The following ADAM22 variants were observed in gnomAD, a reference collection of about 807,000 sequenced individuals.
ADAM22 encodes the protein ADAM metallopeptidase domain 22, also known as disintegrin and metalloproteinase domain-containing protein 22.
Under a neutral mutation model 144.6 loss-of-function variants are expected in ADAM22, and 65 were observed. The observed-to-expected ratio is 0.45, with a 90% CI of 0.37 to 0.55. The LOEUF (loss-of-function observed/expected upper bound fraction) is 0.55. Among genes scored for constraint, ADAM22 ranks in the 20% least tolerant of loss-of-function variants. The probability of loss-of-function intolerance (pLI) is 0.00; values close to 1 mark genes in which losing one functional copy is unlikely to be tolerated. For synonymous variants in ADAM22, 391 were observed against 412.6 expected (o/e 0.95, Z 0.63); for missense variants, 974 against 1,184.9 (o/e 0.82, Z 2.61).
At chr7:88,116,189 A>T (rs999795543) in intron 6 of ADAM22, among the ~76,000 whole-genome samples, 1 of 152,138 alleles carries the variant, frequency 6.6e-6, no homozygotes, top group East Asian at 1.9e-4. Flanking sequence ...TAGTAATTGG[A>T]TGAAGCCAGA....
At position 88,178,959 on chromosome 7, in the gene ADAM22, A is replaced by T. The variant is rs1320828435; in HGVS notation, c.2325A>T (p.Val775=). 18 of 1,611,298 alleles carry T rather than the reference A, an allele frequency of 1.1e-5. No homozygotes were observed. Among genetic ancestry groups the T allele is most frequent in the Non-Finnish European group, 1.5e-5 (18 of 1,178,818 alleles). The stretch of plus-strand genomic sequence containing the variant: ...GACAGTTACCCCAGGGAGATTATGT[A>T]AAAAAGCCTGGAGATGGTGACTCTT... ...EQRQLPQGDY[V]KKPGDGDSFY... is the part of the protein sequence containing the mutation. The change falls in exon 27 of 32, where the codon GTA becomes GTT. Residue 775 remains valine, a synonymous_variant. Transcript: ENST00000413139.
chr7:88,045,120 CG>C (rs1804262560), intron 3 of ADAM22, among the ~76,000 whole-genome samples: 1 of 149,438 alleles, frequency 6.7e-6, no homozygotes. Flanking sequence ...CGGGTTCAGG[CG>C]ACTCTCCTGC....
chr7:88,190,663 G>A (rs575285232), intron 30 of ADAM22, among the ~76,000 whole-genome samples: 19 of 152,294 alleles, frequency 1.2e-4, no homozygotes, highest in African/African-American at 3.4e-4. Context: ...TGGAACTGCC[G>A]GGCAAGTAGT....
chr7:88,110,589 C>T (rs1018524836), intron 5 of ADAM22, among the ~76,000 whole-genome samples: 29 of 151,486 alleles, frequency 1.9e-4, no homozygotes, highest in Admixed American at 3.3e-4. Context: ...AGGCCGGGCA[C>T]GGTGGCTCAC....
chr7:88,145,132 A>T lies in ADAM22; in HGVS notation c.1328A>T (p.Asp443Val). 1 of 1,613,032 alleles carries T rather than the reference A, an allele frequency of 6.2e-7. No individual in the cohort carries two copies. The highest frequency in any genetic ancestry group is 8.5e-7 in the Non-Finnish European group (1 of 1,179,714). ...CLFNKPSKLL[D>V]PPECGNGFIE... is the part of the protein sequence containing the mutation. ...TTTTGGTTTTCCTCACAGCTTCTTG[A>T]TCCTCCTGAGTGTGGCAATGGCTTC... Residue 443 changes from aspartate to valine, a missense_variant, in exon 16 of 32, where the codon GAT (aspartate) becomes GTT (valine). Physicochemically the swap from Asp to Val is radical, Grantham distance 152. Transcript: ENST00000413139.
chr7:87,964,806 G>T (rs1848689215), intron 2 of ADAM22: 1 of 268,814 alleles, frequency 3.7e-6, no homozygotes, highest in Non-Finnish European at 7.3e-6. Context: ...ACTCTTCAAA[G>T]CAGCTTGGAG....
chr7:88,000,056 C>T (rs1350557689), intron 3 of ADAM22, among the ~76,000 whole-genome samples: 1 of 151,746 alleles, frequency 6.6e-6, no homozygotes, highest in Non-Finnish European at 1.5e-5. Context: ...ACCAATATGA[C>T]ATTCATTATT....
intron 4 of ADAM22, among the ~76,000 whole-genome samples, chr7:88,102,490 A>G (rs1297508868): frequency 6.6e-6 from 1 of 152,146 alleles, no homozygotes; most frequent in African/African-American, 2.4e-5. Context: ...CCTGGACCCC[A>G]GAGATTGTGA....
chr7:87,969,934 G>T (rs942872719), intron 2 of ADAM22, among the ~76,000 whole-genome samples: 1 of 152,148 alleles, frequency 6.6e-6, no homozygotes, highest in Non-Finnish European at 1.5e-5. Flanking sequence ...GAGTAACATG[G>T]AGTCATAAGT....
chr7:87,978,015 T>C (rs1168485767), intron 2 of ADAM22, among the ~76,000 whole-genome samples: 2 of 152,212 alleles, frequency 1.3e-5, no homozygotes, highest in Non-Finnish European at 2.9e-5. Flanking sequence ...TACAAAACTT[T>C]ATTTTAAAGG....
At chr7:88,005,155 A>G (rs997515220) in intron 3 of ADAM22, among the ~76,000 whole-genome samples, 5 of 152,194 alleles carry the variant, frequency 3.3e-5, no homozygotes, top group Admixed American at 2.6e-4. Context: ...ACACAAACAA[A>G]TAATTGTGCC....
chr7:88,090,830 G>C (rs1392302627), intron 4 of ADAM22, among the ~76,000 whole-genome samples: 1 of 152,148 alleles, frequency 6.6e-6, no homozygotes, highest in Non-Finnish European at 1.5e-5. Context: ...TGTAATTGCA[G>C]ATAGGGCCAA....
chr7:87,934,616 CG>C (rs1840731518), intron 1 of ADAM22, 66 bp downstream of exon 1: 21 of 1,430,654 alleles, frequency 1.5e-5, no homozygotes, highest in Non-Finnish European at 1.9e-5. Context: ...AGCCCTCAGG[CG>C]TATTGAAAAG....
intron 3 of ADAM22, among the ~76,000 whole-genome samples, chr7:88,053,519 G>C (rs951233513): frequency 6.7e-6 from 1 of 149,646 alleles, no homozygotes; most frequent in African/African-American, 2.5e-5. Flanking sequence ...ATGCTCAGAG[G>C]CATTCTTAGA....
At chr7:88,096,036 C>T (rs1821195279) in intron 4 of ADAM22, among the ~76,000 whole-genome samples, 1 of 151,412 alleles carries the variant, frequency 6.6e-6, no homozygotes, top group Non-Finnish European at 1.5e-5. Flanking sequence ...GTACTTCTCC[C>T]TCAGTCTCCT....
chr7:87,982,064 TATATACACAC>T (rs1208812019), intron 3 of ADAM22, among the ~76,000 whole-genome samples: 4 of 79,324 alleles, frequency 5.0e-5, no homozygotes, highest in South Asian at 4.2e-4. Flanking sequence ...TATATATATA[TATATACACAC>T]ACACACACAC....
At chr7:88,088,050 T>A (rs1003565661) in intron 4 of ADAM22, among the ~76,000 whole-genome samples, 18 of 152,142 alleles carry the variant, frequency 1.2e-4, no homozygotes, top group African/African-American at 3.9e-4. Context: ...GTGCTGTGCG[T>A]TGAAGGGCAG....
intron 3 of ADAM22, among the ~76,000 whole-genome samples, chr7:87,997,603 G>A (rs867728768): frequency 1.1e-4 from 16 of 152,336 alleles, no homozygotes; most frequent in Middle Eastern, 6.8e-3. Flanking sequence ...GCTGGCTGTT[G>A]GCCCTGGATT....
intron 3 of ADAM22, among the ~76,000 whole-genome samples, chr7:88,070,485 G>A (rs1049486245): frequency 3.9e-5 from 6 of 152,142 alleles, no homozygotes; most frequent in Non-Finnish European, 8.8e-5. Context: ...CAGCACCTTG[G>A]ATTAGATCTT....
Sources: allele counts gnomAD v4.1 joint callset (sites outside exome capture counted in the v4.1 genomes callset), GRCh38; gene constraint gnomAD v4.1.1; transcripts MANE v1.5; gene names NCBI Gene and HGNC (gene_info 2026-07-23, HGNC 2026-07-21).